The following AHI1 variants were observed in gnomAD, a reference collection of about 807,000 sequenced individuals.
AHI1 encodes the protein Abelson helper integration site 1, also known as jouberin.
AHI1 carries 123 observed loss-of-function variants against 149.3 expected under a neutral mutation model. The observed-to-expected ratio is 0.82, with a 90% CI of 0.71 to 0.96. The LOEUF (loss-of-function observed/expected upper bound fraction) is 0.96, where lower values mean the gene tolerates loss of function less well. AHI1 is among the 40% of genes least tolerant of loss of function. The probability of loss-of-function intolerance (pLI) is 0.00; values close to 1 mark genes in which losing one functional copy is unlikely to be tolerated. For synonymous variants in AHI1, 475 were observed against 459.8 expected, an observed-to-expected ratio of 1.03 and a Z score of -0.42; for missense variants, 1,439 against 1,422.7, an observed-to-expected ratio of 1.01 and a Z score of -0.18.
At chr6:135,447,890 A>G (rs1379964865) in intron 12 of AHI1, among the ~76,000 whole-genome samples, 1 of 152,072 alleles carries the variant, frequency 6.6e-6, no homozygotes, top group Non-Finnish European at 1.5e-5. Flanking sequence ...AACACATCAC[A>G]CCCATTTGTT....
chr6:135,293,429 A>AAAAAG (rs1782649777), intron 27 of AHI1, among the ~76,000 whole-genome samples: 1 of 131,894 alleles, frequency 7.6e-6, no homozygotes, highest in African/African-American at 2.9e-5. Flanking sequence ...AAAAAAGAAA[A>AAAAAG]AAAGAAAGAA....
At chr6:135,481,563 T>TA (rs536468267) in intron 5 of AHI1, among the ~76,000 whole-genome samples, 1 of 151,854 alleles carries the variant, frequency 6.6e-6, no homozygotes, top group African/African-American at 2.4e-5. Flanking sequence ...TAAATCCTAT[T>TA]AAAAAAACCT....
In AHI1 at chr6:135,358,123, C is replaced by G. The variant is rs747066482; in HGVS notation, c.3165+9G>C. On this transcript the variant is annotated intron_variant, in intron 24 of 28. Coordinates refer to ENST00000265602, the MANE Select transcript of AHI1 (RefSeq NM_001134831.2). ...ACACTTTTAACAACGTAGCAACAGA[C>G]TGTCTTACCGTTGGTGCTGTATCTA... The G allele has an allele frequency of 6.2e-7, 1 of 1,609,806 alleles. No homozygotes were observed. Among genetic ancestry groups the G allele is most frequent in the Non-Finnish European group, 8.5e-7 (1 of 1,177,116 alleles).
intron 27 of AHI1, among the ~76,000 whole-genome samples, chr6:135,296,708 T>C (rs955317684): frequency 6.6e-6 from 1 of 152,216 alleles, no homozygotes; most frequent in Non-Finnish European, 1.5e-5. Flanking sequence ...ATGCTTTATT[T>C]TTCTCCATAC....
At chr6:135,461,986 G>A (rs1227776269) in intron 8 of AHI1, among the ~76,000 whole-genome samples, 1 of 151,832 alleles carries the variant, frequency 6.6e-6, no homozygotes, top group East Asian at 1.9e-4. Context: ...CCAAATTTAG[G>A]TAATGATTTT....
Position 135,463,188 on chromosome 6 carries a change from C to T in AHI1, c.868G>A (p.Glu290Lys), listed in dbSNP as rs763856608. The T allele has an allele frequency of 1.5e-5, 24 of 1,608,186 alleles. No homozygotes were observed. The highest frequency in any genetic ancestry group is 2.0e-5 in the Non-Finnish European group (23 of 1,178,842). ...DEISSMEQST[E>K]DSMQDDTKPK... Reference sequence around the variant, plus strand: ...TTTGTATCATCTTGCATGCTGTCTTCTGTGCTTTGTTCCATTGAGCTTATT... The same window carrying T: ...TTTGTATCATCTTGCATGCTGTCTTTTGTGCTTTGTTCCATTGAGCTTATT... The change falls in exon 8 of 29, where the codon GAA becomes AAA. Residue 290 changes from glutamate (E) to lysine (K), a missense_variant. Physicochemically the swap from Glu to Lys is moderately conservative, Grantham distance 56. Coordinates refer to ENST00000265602, the MANE Select transcript of AHI1 (RefSeq NM_001134831.2).
chr6:135,368,261 A>C (rs1774480596), intron 23 of AHI1, among the ~76,000 whole-genome samples: 1 of 152,080 alleles, frequency 6.6e-6, no homozygotes, highest in South Asian at 2.1e-4. Flanking sequence ...AGTGAAGTGG[A>C]TTCTGTGATG....
intron 5 of AHI1, among the ~76,000 whole-genome samples, chr6:135,470,306 C>T (rs1053105833): frequency 1.3e-5 from 2 of 152,190 alleles, no homozygotes; most frequent in East Asian, 1.9e-4. Context: ...ATTAAAAAGT[C>T]AAGAAACAAC....
Position 135,400,622 on chromosome 6 carries a change from A to G in AHI1, c.2988+4329T>C, listed in dbSNP as rs763060312. ...TCCTCCCTGAGGTAATTTATAATCT[A>G]ATGTCAAAAAGAAAAAAATTAAGCT... is the stretch of plus-strand genomic sequence containing the variant. On this transcript the variant is annotated intron_variant, in intron 22 of 28. Coordinates refer to ENST00000265602, the MANE Select transcript of AHI1 (RefSeq NM_001134831.2). 2.6e-5 allele frequency among the ~76,000 whole-genome samples: 4 copies of G among 152,350 alleles called. No homozygotes were observed. The East Asian group carries it at 7.7e-4, about 29-fold the overall frequency.
At chr6:135,470,355 A>G (rs553751378) in intron 5 of AHI1, among the ~76,000 whole-genome samples, 1 of 152,238 alleles carries the variant, frequency 6.6e-6, no homozygotes, top group African/African-American at 2.4e-5. Flanking sequence ...GAAAGCTTTT[A>G]CACTGTTGAT....
intron 23 of AHI1, chr6:135,388,122 G>T: frequency 7.1e-7 from 1 of 1,407,732 alleles, no homozygotes; most frequent in Non-Finnish European, 9.8e-7. Flanking sequence ...AAGGGCATCT[G>T]CCTATAGAAA....
chr6:135,416,492 G>C (rs1441047496), intron 20 of AHI1, among the ~76,000 whole-genome samples: 1 of 151,634 alleles, frequency 6.6e-6, no homozygotes, highest in African/African-American at 2.4e-5. Flanking sequence ...CAGTATAATT[G>C]TGCAACAACA....
At chr6:135,470,832 G>A (rs1791570842) in intron 5 of AHI1, among the ~76,000 whole-genome samples, 1 of 152,086 alleles carries the variant, frequency 6.6e-6, no homozygotes, top group South Asian at 2.1e-4. Flanking sequence ...GCTAATGCAT[G>A]TGTGGCTTAA....
At chr6:135,450,099 T>G (rs944504236) in intron 11 of AHI1, among the ~76,000 whole-genome samples, 4 of 152,092 alleles carry the variant, frequency 2.6e-5, no homozygotes, top group African/African-American at 9.7e-5. Flanking sequence ...CCAAGAAAAG[T>G]GGGTTAAAGA....
intron 3 of AHI1, 103 bp downstream of exon 3, chr6:135,495,711 T>C (rs1795866762): frequency 6.6e-6 from 1 of 152,162 alleles, no homozygotes; most frequent in Non-Finnish European, 1.5e-5. Context: ...TATCTGCCAC[T>C]ATGAAAGAAA....
chr6:135,292,092 A>C (rs1392232728), intron 27 of AHI1, among the ~76,000 whole-genome samples: 1 of 150,544 alleles, frequency 6.6e-6, no homozygotes, highest in African/African-American at 2.5e-5. Context: ...AAATATGTAA[A>C]TATCTGGGCA....
At chr6:135,302,540 T>C in intron 26 of AHI1, 1 of 1,092,178 alleles carries the variant, frequency 9.2e-7, no homozygotes, top group South Asian at 2.5e-5. Context: ...TGTGTATTCC[T>C]ATCACTGGCA....
intron 22 of AHI1, among the ~76,000 whole-genome samples, chr6:135,399,139 ATGCTAC>A (rs1779669911): frequency 6.6e-6 from 1 of 152,206 alleles, no homozygotes; most frequent in African/African-American, 2.4e-5. Context: ...AGCTGTGATG[ATGCTAC>A]TGCACTCAGC....
chr6:135,495,299 T>C (rs553781094), intron 3 of AHI1: 19 of 152,236 alleles, frequency 1.2e-4, no homozygotes, highest in African/African-American at 4.3e-4. Flanking sequence ...TTGAAAAAAA[T>C]ATCAAGTCCT....
Sources: allele counts gnomAD v4.1 joint callset (sites outside exome capture counted in the v4.1 genomes callset), GRCh38; gene constraint gnomAD v4.1.1; transcripts MANE v1.5; gene names NCBI Gene and HGNC (gene_info 2026-07-23, HGNC 2026-07-21).